The following VPS8 variants were observed in gnomAD, a reference collection of about 807,000 sequenced individuals.
VPS8 encodes vacuolar protein sorting-associated protein 8 homolog.
In VPS8, 129 loss-of-function variants were observed where a neutral mutation model predicts 216.4. The ratio of observed to expected loss-of-function variants is 0.60; its 90% CI spans 0.52 to 0.69. The LOEUF is 0.69. Among genes scored for constraint, VPS8 ranks in the 30% least tolerant of loss-of-function variants. The pLI is 0.00. For missense variants in VPS8, 1,531 were observed against 1,683.5 expected (o/e 0.91, Z 1.59); for synonymous variants, 571 against 565.4 (o/e 1.01, Z -0.14).
intron 45 of VPS8, among the ~76,000 whole-genome samples, chr3:185,012,118 G>C (rs1198229549): frequency 6.6e-6 from 1 of 151,388 alleles, no homozygotes; most frequent in Non-Finnish European, 1.5e-5. Context: ...CTGAAGCACA[G>C]AGGCAAAAAT....
At chr3:184,856,147 G>T (rs80306368) in intron 14 of VPS8, among the ~76,000 whole-genome samples, 4,084 of 152,250 alleles carry the variant, frequency 0.027, 199 homozygotes, top group African/African-American at 0.094. Context: ...GTATCATTGA[G>T]CACCTATTAT....
At chr3:184,896,515 T>C (rs1437425432) in intron 23 of VPS8, among the ~76,000 whole-genome samples, 1 of 152,190 alleles carries the variant, frequency 6.6e-6, no homozygotes, top group Non-Finnish European at 1.5e-5. Flanking sequence ...TAGGTTGCTA[T>C]TTTCATTTTT....
chr3:184,858,022 T>G (rs1725592245), intron 14 of VPS8, among the ~76,000 whole-genome samples: 1 of 152,202 alleles, frequency 6.6e-6, no homozygotes, highest in Non-Finnish European at 1.5e-5. Flanking sequence ...GTCACCACTG[T>G]AAGTGATGGG....
chr3:185,031,891 C>T (rs560906225), intron 46 of VPS8, among the ~76,000 whole-genome samples: 2 of 152,234 alleles, frequency 1.3e-5, no homozygotes, highest in African/African-American at 2.4e-5. Context: ...CAGCCGGGCT[C>T]GATGGCTGAC....
intron 42 of VPS8, among the ~76,000 whole-genome samples, chr3:184,991,097 G>C (rs1360985364): frequency 1.3e-5 from 2 of 152,084 alleles, no homozygotes; most frequent in Admixed American, 6.6e-5. Flanking sequence ...AGACTCTCCT[G>C]TTCAGGGCAT....
intron 35 of VPS8, among the ~76,000 whole-genome samples, 152 bp downstream of exon 35, chr3:184,936,487 C>T (rs542930120): frequency 6.9e-6 from 1 of 143,888 alleles, no homozygotes; most frequent in Non-Finnish European, 1.5e-5. Flanking sequence ...GTGGTTTTTG[C>T]CATTTCTTTA....
intron 24 of VPS8, 116 bp downstream of exon 24, chr3:184,898,770 A>G (rs997918873): frequency 8.4e-6 from 7 of 832,108 alleles, no homozygotes; most frequent in East Asian, 2.9e-5. Flanking sequence ...AAATTCTTAT[A>G]TATTTATTGA....
In VPS8 at chr3:184,915,392, C is replaced by T. The variant is rs1737369708; in HGVS notation, c.2300C>T (p.Ala767Val). ...CTAATTCGCCTGCATTCAGCAGAGGCTTCTCCTGAGGAAGAAATCTATCCT... is the reference window on the plus strand; with the variant it reads ...CTAATTCGCCTGCATTCAGCAGAGGTTTCTCCTGAGGAAGAAATCTATCCT... ...EFLIRLHSAE[A>V]SPEEEIYPYI... is the part of the protein sequence containing the mutation. The change falls in exon 28 of 48, where the codon GCT becomes GTT. Residue 767 changes from alanine (A) to valine (V), a missense_variant. By Grantham distance (64) the Ala-to-Val change is moderately conservative (BLOSUM62 0). Coordinates refer to ENST00000625842, the MANE Select transcript of VPS8 (RefSeq NM_001009921.3). 2 of 1,613,812 alleles carry T rather than the reference C, an allele frequency of 1.2e-6. No individual in the cohort carries two copies. The highest frequency in any genetic ancestry group is 2.7e-5 in the African/African-American group (2 of 74,928).
intron 1 of VPS8, among the ~76,000 whole-genome samples, chr3:184,814,344 G>A (rs1184039124): frequency 1.3e-5 from 2 of 152,176 alleles, no homozygotes; most frequent in Non-Finnish European, 2.9e-5. Flanking sequence ...GTAATTGCAA[G>A]CCTCATTCTT....
chr3:184,941,382 TTC>T (rs1742663548), intron 36 of VPS8, among the ~76,000 whole-genome samples: 1 of 148,130 alleles, frequency 6.8e-6, no homozygotes, highest in African/African-American at 2.5e-5. Flanking sequence ...TGTATTTTAA[TTC>T]TCTGTCCTCA....
At chr3:184,886,182 C>A (rs1451853231) in intron 22 of VPS8, 26 bp downstream of exon 22, 4 of 1,595,656 alleles carry the variant, frequency 2.5e-6, no homozygotes, top group Non-Finnish European at 3.4e-6. Flanking sequence ...CTGTCACATT[C>A]AATTATTTTG....
At chr3:184,882,350 C>A (rs1246655903) in intron 21 of VPS8, 2 of 451,992 alleles carry the variant, frequency 4.4e-6, no homozygotes, top group Non-Finnish European at 8.9e-6. Context: ...TTTCTTTAGG[C>A]TATTGGCATG....
At chr3:184,926,781 T>G in intron 31 of VPS8, 131 bp downstream of exon 31, 2 of 858,750 alleles carry the variant, frequency 2.3e-6, no homozygotes, top group Non-Finnish European at 3.5e-6. Flanking sequence ...GAAGTTAGAG[T>G]CAGTGGGAAC....
intron 45 of VPS8, among the ~76,000 whole-genome samples, chr3:185,021,774 G>A (rs1463578125): frequency 6.6e-6 from 1 of 152,094 alleles, no homozygotes; most frequent in Non-Finnish European, 1.5e-5. Context: ...CTGCAACGTG[G>A]TCCTACTTGA....
chr3:184,942,157 T>C (rs1484778085), intron 36 of VPS8, among the ~76,000 whole-genome samples: 1 of 151,560 alleles, frequency 6.6e-6, no homozygotes, highest in African/African-American at 2.4e-5. Context: ...AAAATAAATA[T>C]TACAAAAAAA....
Position 184,983,050 on chromosome 3 carries a change from G to A in VPS8, c.3541G>A (p.Ala1181Thr). ...SLTMQVLNSM[A>T]AFIALPSILQ... is the part of the protein sequence containing the mutation. ...GACCATGCAAGTTTTAAATAGCATG[G>A]CAGCATTTATTGCCCTTCCATCAAT... Residue 1181 changes from alanine to threonine, a missense_variant, in exon 42 of 48, where the codon GCA becomes ACA. By Grantham distance (58) the Ala-to-Thr change is moderately conservative. Transcript: ENST00000625842. 3 of 1,609,998 alleles carry A rather than the reference G, an allele frequency of 1.9e-6. No homozygotes were observed. Among genetic ancestry groups the A allele is most frequent in the Admixed American group, 1.7e-5 (1 of 59,820 alleles).
chr3:185,008,265 G>A (rs919242764), intron 45 of VPS8, among the ~76,000 whole-genome samples: 2 of 152,056 alleles, frequency 1.3e-5, no homozygotes, highest in Non-Finnish European at 2.9e-5. Flanking sequence ...TTATTATACT[G>A]TAGTACTAAG....
intron 45 of VPS8, among the ~76,000 whole-genome samples, chr3:185,011,233 A>G (rs1292868475): frequency 6.6e-6 from 1 of 152,194 alleles, no homozygotes; most frequent in African/African-American, 2.4e-5. Context: ...ATGAAAAAAC[A>G]TTGTTTAGAG....
chr3:184,844,120 G>T (rs1216871400), intron 8 of VPS8, among the ~76,000 whole-genome samples: 2 of 152,040 alleles, frequency 1.3e-5, no homozygotes, highest in African/African-American at 2.4e-5. Flanking sequence ...ATATTTTAGT[G>T]TGAATAAAGG....
Sources: gnomAD v4.1 joint callset for allele counts (sites outside exome capture counted in the v4.1 genomes callset) on GRCh38, gnomAD v4.1.1 for gene constraint, MANE v1.5 for transcripts, NCBI Gene and HGNC (gene_info 2026-07-23, HGNC 2026-07-21) for gene names.